The following MCTP2 variants were observed in gnomAD, a reference collection of about 807,000 sequenced individuals.
MCTP2 encodes multiple C2 and transmembrane domain-containing protein 2.
In MCTP2, 132 loss-of-function variants were observed where a neutral mutation model predicts 111.6. The observed-to-expected ratio is 1.18, with a 90% CI of 1.03 to 1.37. MCTP2 has a LOEUF of 1.37. MCTP2 is among the 40% of genes most tolerant of loss of function. MCTP2 has a pLI of 0.00. For missense variants in MCTP2, 1,183 were observed against 1,067.9 expected, an observed-to-expected ratio of 1.11 and a Z score of -1.50; for synonymous variants, 395 against 387.7, an observed-to-expected ratio of 1.02 and a Z score of -0.22.
Position 94,479,192 on chromosome 15 carries a change from C to T in MCTP2, c.*158C>T. ...CCTCCTTCACGTGCACAGACATACA[C>T]ACATGTGCACACACCCTCATGCATG... On this transcript the variant is annotated 3_prime_UTR_variant, in exon 23 of 23. Coordinates refer to ENST00000357742, the MANE Select transcript of MCTP2 (RefSeq NM_001385001.1). The T allele has an allele frequency of 1.5e-6, 1 of 681,532 alleles. No individual in the cohort carries two copies. Among genetic ancestry groups the T allele is most frequent in the Non-Finnish European group, 2.6e-6 (1 of 378,934 alleles). 42.2% of individuals were successfully genotyped at this position (681,532 alleles called of 1,614,324 possible).
At chr15:94,431,682 A>G (rs565590965) in intron 17 of MCTP2, among the ~76,000 whole-genome samples, 2 of 152,230 alleles carry the variant, frequency 1.3e-5, no homozygotes, top group African/African-American at 4.8e-5. Context: ...AATTTTTTTT[A>G]AAAATTTAAC....
chr15:94,279,170 A>C (rs1007814446), intron 1 of MCTP2, among the ~76,000 whole-genome samples: 2 of 152,118 alleles, frequency 1.3e-5, no homozygotes, highest in Non-Finnish European at 2.9e-5. Context: ...AGTGGTAGTT[A>C]ATAGGAATAG....
intron 1 of MCTP2, among the ~76,000 whole-genome samples, chr15:94,245,510 A>G (rs1034430760): frequency 2.8e-5 from 4 of 141,516 alleles, no homozygotes; most frequent in South Asian, 2.2e-4. Context: ...ATATATGTAT[A>G]CATATATGTA....
intron 1 of MCTP2, among the ~76,000 whole-genome samples, chr15:94,238,702 G>A (rs2070730073): frequency 6.6e-6 from 1 of 152,172 alleles, no homozygotes; most frequent in African/African-American, 2.4e-5. Flanking sequence ...GTGAGGGACA[G>A]GGTGCTATGA....
Position 94,325,812 on chromosome 15 carries a change from A to ATTTTTTTTTTTTT in MCTP2, c.637+10189_637+10201dup, listed in dbSNP as rs557989149. On this transcript the variant is annotated intron_variant, in intron 4 of 22. Transcript: ENST00000357742. ...GAACCTACTCTACTCCATCGCTCCG[A>ATTTTTTTTTTTTT]TTTTTTTTTTTTTTTTTTTTTTTTT... is the stretch of plus-strand genomic sequence containing the variant. Among the ~76,000 whole-genome samples, 439 of 91,828 alleles carry ATTTTTTTTTTTTT rather than the reference A, an allele frequency of 4.8e-3. 43 individuals carry two copies. Among genetic ancestry groups the ATTTTTTTTTTTTT allele is most frequent in the African/African-American group, 0.012 (258 of 22,320 alleles). 60.2% of individuals were successfully genotyped at this position (91,828 alleles called of 152,430 possible).
At chr15:94,451,950 T>C (rs1186327865) in intron 19 of MCTP2, among the ~76,000 whole-genome samples, 3 of 152,232 alleles carry the variant, frequency 2.0e-5, no homozygotes, top group African/African-American at 7.2e-5. Flanking sequence ...CTAGGTACTT[T>C]ACATATGTGA....
chr15:94,415,718 AC>A (rs2082341859), intron 17 of MCTP2, among the ~76,000 whole-genome samples: 1 of 151,776 alleles, frequency 6.6e-6, no homozygotes, highest in African/African-American at 2.4e-5. Flanking sequence ...CACATTTAGG[AC>A]GTGATAACTT....
At chr15:94,476,663 G>A (rs375739940) in intron 21 of MCTP2, 33 bp from the exon 22 acceptor site, 4 of 1,071,348 alleles carry the variant, frequency 3.7e-6, no homozygotes, top group Non-Finnish European at 5.8e-6. Context: ...CAGACAGACA[G>A]ATAAAGAGAT....
At chr15:94,416,690 A>T (rs1011386351) in intron 17 of MCTP2, among the ~76,000 whole-genome samples, 1 of 152,184 alleles carries the variant, frequency 6.6e-6, no homozygotes, top group African/African-American at 2.4e-5. Context: ...CTTGCTTTCA[A>T]CTTGCAAAGT....
chr15:94,290,799 A>G (rs1373271173), intron 1 of MCTP2, among the ~76,000 whole-genome samples: 1 of 152,258 alleles, frequency 6.6e-6, no homozygotes, highest in East Asian at 1.9e-4. Flanking sequence ...CTAGAAAATC[A>G]TCAGGGTTAA....
chr15:94,324,517 G>A (rs546131143), intron 4 of MCTP2, among the ~76,000 whole-genome samples: 6 of 152,310 alleles, frequency 3.9e-5, no homozygotes, highest in African/African-American at 9.6e-5. Context: ...AGGTTTGATG[G>A]TCTTTTTTGA....
At chr15:94,445,805 C>T (rs955446045) in intron 19 of MCTP2, among the ~76,000 whole-genome samples, 3 of 152,208 alleles carry the variant, frequency 2.0e-5, no homozygotes, top group African/African-American at 7.2e-5. Context: ...AACACACAGC[C>T]ATTTTGTTCA....
intron 14 of MCTP2, among the ~76,000 whole-genome samples, chr15:94,396,455 T>A (rs758090875): frequency 6.1e-4 from 93 of 152,174 alleles, no homozygotes; most frequent in Non-Finnish European, 9.7e-4. Context: ...TGTGTGTGTA[T>A]ATATATATGT....
intron 9 of MCTP2, 22 bp from the exon 10 acceptor site, chr15:94,358,460 A>C: frequency 6.3e-7 from 1 of 1,599,552 alleles, no homozygotes; most frequent in Non-Finnish European, 8.5e-7. Flanking sequence ...GAAAATAAAT[A>C]TTATAACTGC....
intron 20 of MCTP2, among the ~76,000 whole-genome samples, chr15:94,460,478 G>A (rs2085116265): frequency 6.6e-6 from 1 of 152,194 alleles, no homozygotes; most frequent in African/African-American, 2.4e-5. Flanking sequence ...GTCAGTGGAA[G>A]AAAGTTCAGT....
chr15:94,243,178 T>C (rs1320904159), intron 1 of MCTP2, among the ~76,000 whole-genome samples: 1 of 148,076 alleles, frequency 6.8e-6, no homozygotes, highest in African/African-American at 2.5e-5. Context: ...TACGTACGTA[T>C]GTACGTATGC....
At chr15:94,317,975 CTT>C (rs1397847759) in intron 4 of MCTP2, among the ~76,000 whole-genome samples, 3 of 152,082 alleles carry the variant, frequency 2.0e-5, no homozygotes, top group South Asian at 2.1e-4. Flanking sequence ...AACTGCATCT[CTT>C]GTGTTCTTTT....
chr15:94,248,862 C>A lies in MCTP2; in HGVS notation c.-66+17198C>A, dbSNP rs536243201. On this transcript the variant is annotated intron_variant, in intron 1 of 22. Coordinates refer to ENST00000357742, the MANE Select transcript of MCTP2 (RefSeq NM_001385001.1). ...GTAAACCCTGCCACGGTGGCTTACACAGGTTCTCTGTGCTTTTTGTTGATT... is the reference window on the plus strand; with the variant it reads ...GTAAACCCTGCCACGGTGGCTTACAAAGGTTCTCTGTGCTTTTTGTTGATT... Among the ~76,000 whole-genome samples, 10 of 152,342 alleles carry A rather than the reference C, an allele frequency of 6.6e-5. No homozygotes were observed. In the South Asian group the frequency reaches 2.1e-3, roughly 32 times the overall value.
At position 94,394,432 on chromosome 15, in the gene MCTP2, G is replaced by C. The variant is rs114420836; in HGVS notation, c.1789-4529G>C. The stretch of plus-strand genomic sequence containing the variant: ...AATTGAAATGATCAAATACGAATAT[G>C]CCTTAAAAACTTCATATGAGTGTTT... On this transcript the variant is annotated intron_variant, in intron 14 of 22. Transcript: ENST00000357742. 9.8e-4 allele frequency among the ~76,000 whole-genome samples: 149 copies of C among 152,184 alleles called. 1 individual carries two copies. The highest frequency in any genetic ancestry group is 3.4e-3 in the African/African-American group (142 of 41,518).
Sources: gnomAD v4.1 joint callset for allele counts (sites outside exome capture counted in the v4.1 genomes callset) on GRCh38, gnomAD v4.1.1 for gene constraint, MANE v1.5 for transcripts, NCBI Gene and HGNC (gene_info 2026-07-23, HGNC 2026-07-21) for gene names.